NEDD9: variants seen among roughly 807,000 people sequenced by gnomAD.
NEDD9 encodes the protein enhancer of filamentation 1.
Under a neutral mutation model 76.6 loss-of-function variants are expected in NEDD9, and 26 were observed. That is an observed-to-expected ratio of 0.34 (90% CI 0.25 to 0.47). The LOEUF (loss-of-function observed/expected upper bound fraction) is 0.47, where lower values mean the gene tolerates loss of function less well. NEDD9 is among the 20% of genes least tolerant of loss of function. The pLI, the probability that NEDD9 is intolerant of heterozygous loss-of-function variation, is 1.00. For synonymous variants in NEDD9, 392 were observed against 414.2 expected (o/e 0.95, Z 0.65); for missense variants, 937 against 1,058.5 (o/e 0.89, Z 1.59).
intron 1 of NEDD9, among the ~76,000 whole-genome samples, chr6:11,349,185 T>A (rs1240713167): frequency 1.3e-5 from 2 of 152,156 alleles, no homozygotes; most frequent in Non-Finnish European, 2.9e-5. Flanking sequence ...ATGCCACTAA[T>A]CATTAGAGAA....
intron 2 of NEDD9, among the ~76,000 whole-genome samples, chr6:11,201,496 C>A (rs1002795467): frequency 1.3e-5 from 2 of 152,176 alleles, no homozygotes; most frequent in African/African-American, 2.4e-5. Context: ...TAAGTAAGAA[C>A]AAAGCAGTAA....
At chr6:11,211,308 T>C (rs1469353911) in intron 2 of NEDD9, among the ~76,000 whole-genome samples, 1 of 152,140 alleles carries the variant, frequency 6.6e-6, no homozygotes, top group Non-Finnish European at 1.5e-5. Context: ...TCCCAGCAGA[T>C]ACAAGGGGAA....
At chr6:11,261,012 T>C (rs1161437493) in intron 3 of NEDD9, among the ~76,000 whole-genome samples, 2 of 151,940 alleles carry the variant, frequency 1.3e-5, no homozygotes, top group East Asian at 3.9e-4. Context: ...GAATGACAGG[T>C]TTTGAGTTGT....
rs757140437 is a variant in NEDD9, at chr6:11,185,552, C to T, written c.2115G>A (p.Arg705=). The change falls in exon 7 of 7, where the codon CGG becomes CGA. Residue 705 remains arginine, a synonymous_variant. Transcript: ENST00000379446. Reference sequence around the variant, plus strand: ...GGTCATAGTAGAAGCACAGCAACTGCCGATCCTGAGCACTCACGCCACTGT... The same window carrying T: ...GGTCATAGTAGAAGCACAGCAACTGTCGATCCTGAGCACTCACGCCACTGT... ...TTNSGVSAQD[R]QLLCFYYDQC... The T allele has an allele frequency of 3.1e-6, 5 of 1,614,178 alleles. No homozygotes were observed. Among genetic ancestry groups the T allele is most frequent in the Non-Finnish European group, 4.2e-6 (5 of 1,180,026 alleles).
chr6:11,200,736 C>G, intron 2 of NEDD9: 1 of 1,361,032 alleles, frequency 7.3e-7, no homozygotes, highest in Non-Finnish European at 9.5e-7. Flanking sequence ...TGGTAAGAGA[C>G]AGTGGTCCTT....
chr6:11,229,858 C>G (rs982061636), intron 1 of NEDD9, among the ~76,000 whole-genome samples: 1 of 152,202 alleles, frequency 6.6e-6, no homozygotes, highest in African/African-American at 2.4e-5. Flanking sequence ...ACTGCAAGTA[C>G]CTTGCTGCCT....
At chr6:11,282,607 C>A (rs908920168) in intron 3 of NEDD9, among the ~76,000 whole-genome samples, 1 of 152,230 alleles carries the variant, frequency 6.6e-6, no homozygotes, top group African/African-American at 2.4e-5. Flanking sequence ...ATGGCATTCT[C>A]CTTTGCTATA....
At chr6:11,348,652 G>C (rs57971254) in intron 1 of NEDD9, among the ~76,000 whole-genome samples, 3,237 of 152,238 alleles carry the variant, frequency 0.021, 123 homozygotes, top group East Asian at 0.15. Flanking sequence ...CTTTGATAAA[G>C]TTGACAAAAA....
chr6:11,286,095 T>C (rs1040567313), intron 3 of NEDD9, among the ~76,000 whole-genome samples: 1 of 152,188 alleles, frequency 6.6e-6, no homozygotes, highest in African/African-American at 2.4e-5. Context: ...TATATAAATC[T>C]GATAAAGTAA....
At chr6:11,374,743 T>C (rs554702079) in intron 1 of NEDD9, among the ~76,000 whole-genome samples, 4 of 152,248 alleles carry the variant, frequency 2.6e-5, no homozygotes, top group Non-Finnish European at 5.9e-5. Context: ...CCCAATCTGC[T>C]GGTCTGGGGA....
At chr6:11,338,421 T>C (rs1762207649) in intron 1 of NEDD9, among the ~76,000 whole-genome samples, 1 of 152,194 alleles carries the variant, frequency 6.6e-6, no homozygotes, top group Admixed American at 6.5e-5. Flanking sequence ...CAATAAATGT[T>C]TGCTGTTTAA....
intron 3 of NEDD9, among the ~76,000 whole-genome samples, chr6:11,265,950 A>C (rs1490427716): frequency 1.4e-5 from 2 of 146,686 alleles, no homozygotes; most frequent in East Asian, 4.4e-4. Context: ...CAAATACCAC[A>C]TGTTCTCACT....
At chr6:11,327,786 C>T (rs2113490500) in intron 2 of NEDD9, among the ~76,000 whole-genome samples, 1 of 152,352 alleles carries the variant, frequency 6.6e-6, no homozygotes, top group East Asian at 1.9e-4. Flanking sequence ...AAAGTTTCTG[C>T]AGAGGGAAAA....
At chr6:11,332,942 G>A (rs949234239) in intron 2 of NEDD9, among the ~76,000 whole-genome samples, 8 of 151,908 alleles carry the variant, frequency 5.3e-5, no homozygotes. Flanking sequence ...TGTCAGCTCA[G>A]CACATAGATA....
chr6:11,329,123 A>G (rs1198938097), intron 2 of NEDD9, among the ~76,000 whole-genome samples: 1 of 152,238 alleles, frequency 6.6e-6, no homozygotes, highest in Non-Finnish European at 1.5e-5. Flanking sequence ...AGAAGTGCTA[A>G]GCCCTCAAGA....
intron 3 of NEDD9, among the ~76,000 whole-genome samples, chr6:11,243,093 T>C (rs114538288): frequency 1.4e-3 from 214 of 152,304 alleles, no homozygotes; most frequent in African/African-American, 4.8e-3. Context: ...CTCTGGGTCT[T>C]CAGGATCTTC....
chr6:11,305,786 C>T, intron 3 of NEDD9: 2 of 603,846 alleles, frequency 3.3e-6, no homozygotes, highest in South Asian at 1.9e-5. Flanking sequence ...GAATAGGATG[C>T]CCTGTGGGCA....
intron 2 of NEDD9, among the ~76,000 whole-genome samples, chr6:11,330,617 A>G (rs765948551): frequency 1.4e-4 from 21 of 152,190 alleles, no homozygotes; most frequent in Admixed American, 3.9e-4. Context: ...AGAGCCAAAG[A>G]GTGCCAGGAA....
At chr6:11,304,931 T>C in intron 3 of NEDD9, 2 of 465,546 alleles carry the variant, frequency 4.3e-6, no homozygotes, top group South Asian at 4.1e-5. Context: ...GTTTTGCACA[T>C]GTACCCTAGA....
Sources: allele counts gnomAD v4.1 joint callset (sites outside exome capture counted in the v4.1 genomes callset), GRCh38; gene constraint gnomAD v4.1.1; transcripts MANE v1.5; gene names NCBI Gene and HGNC (gene_info 2026-07-23, HGNC 2026-07-21).